NEURL4: variants seen among roughly 807,000 people sequenced by gnomAD.
The protein encoded by NEURL4 is neuralized-like protein 4.
NEURL4 carries 45 observed loss-of-function variants against 148.0 expected under a neutral mutation model. The observed-to-expected ratio is 0.30, with a 90% CI of 0.24 to 0.39. NEURL4 has a LOEUF of 0.39. NEURL4 is among the 10% of genes least tolerant of loss of function. The pLI is 1.00. For synonymous variants in NEURL4, 854 were observed against 869.0 expected (o/e 0.98, Z 0.30); for missense variants, 1,776 against 2,144.0 (o/e 0.83, Z 3.39).
Position 7,329,252 on chromosome 17 carries a change from C to T in NEURL4, c.61G>A (p.Gly21Arg). 1.3e-6 allele frequency: 2 copies of T among 1,486,318 alleles called. No homozygotes were observed. Among genetic ancestry groups the T allele is most frequent in the Non-Finnish European group, 1.8e-6 (2 of 1,124,644 alleles). 92.1% of individuals were successfully genotyped at this position (1,486,318 alleles called of 1,614,324 possible). Residue 21 changes from glycine to arginine, a missense_variant, in exon 1 of 29, where the codon GGG becomes AGG. Coordinates refer to ENST00000399464, the MANE Select transcript of NEURL4 (RefSeq NM_032442.3). ...CCGCTCCCGCTGGGGCCCCCACCCC[C>T]GCCCGGCCCCGGTCCAGGGCCTCCC... ...SGGGPGPGPG[G>R]GGGPSGSGSG...
chr17:7,320,625 A>G, intron 21 of NEURL4, 134 bp downstream of exon 21: 1 of 740,860 alleles, frequency 1.3e-6, no homozygotes, highest in Non-Finnish European at 2.2e-6. Flanking sequence ...ATTACAGGCT[A>G]TGAATAAAAG....
At chr17:7,319,374 CTTTTTTT>C (rs374281551) in intron 21 of NEURL4, among the ~76,000 whole-genome samples, 166 bp from the exon 22 acceptor site, 35 of 113,932 alleles carry the variant, frequency 3.1e-4, no homozygotes, top group Non-Finnish European at 3.5e-4. Flanking sequence ...TTCTTTCCCT[CTTTTTTT>C]TTTTTTTTTT....
Position 7,329,024 on chromosome 17 carries a change from G to A in NEURL4, c.282+7C>T, listed in dbSNP as rs2073138919. The A allele has an allele frequency of 1.3e-6, 2 of 1,569,954 alleles. No homozygotes were observed. Among genetic ancestry groups the A allele is most frequent in the Non-Finnish European group, 1.7e-6 (2 of 1,155,708 alleles). On this transcript the variant is annotated splice_region_variant and intron_variant, in intron 1 of 28. Coordinates refer to ENST00000399464, the MANE Select transcript of NEURL4 (RefSeq NM_032442.3). Reference sequence around the variant, plus strand: ...CACATCTCTGTTCCGCGGTACCAGCGCTGCACCTTGCGGTCGATGCGGACG... The same window carrying A: ...CACATCTCTGTTCCGCGGTACCAGCACTGCACCTTGCGGTCGATGCGGACG...
At position 7,321,582 on chromosome 17, in the gene NEURL4, C is replaced by T. The variant is rs1285375985; in HGVS notation, c.3077G>A (p.Gly1026Asp). The T allele has an allele frequency of 1.9e-6, 3 of 1,614,030 alleles. No homozygotes were observed. Among genetic ancestry groups the T allele is most frequent in the Non-Finnish European group, 2.5e-6 (3 of 1,180,040 alleles). Reference protein sequence around the residue: ...RDGQLQRMNYGRNLERLGVGS... With the variant: ...RDGQLQRMNYDRNLERLGVGS... ...CACCCCCAGCCTCTCTAGGTTCCGG[C>T]CATAGTTCATCCTCTGGAGCTGCCC... Residue 1026 changes from glycine to aspartate, a missense_variant, in exon 18 of 29, where the codon GGC (glycine) becomes GAC (aspartate). Gly to Asp is a moderately conservative substitution (Grantham distance 94, BLOSUM62 -1). Transcript: ENST00000399464. The surrounding 1 kb of genome is among the most constrained non-coding windows in gnomAD (Gnocchi z 6.3).
At position 7,325,117 on chromosome 17, in the gene NEURL4, C is replaced by A. The variant is rs537390794; in HGVS notation, c.1631+92G>T. 3.0e-5 allele frequency: 46 copies of A among 1,515,518 alleles called. No homozygotes were observed. In the South Asian group the frequency reaches 5.3e-4, roughly 17 times the overall value. 93.9% of individuals were successfully genotyped at this position (1,515,518 alleles called of 1,614,324 possible). On this transcript the variant is annotated intron_variant, in intron 8 of 28. Transcript: ENST00000399464. ...CTCAACCTCCAGGAAGCTGCCCCCG[C>A]CAGGCTCCCTCTGCCTTCCACTTCC...
At chr17:7,323,232 G>A (rs1158367355) in intron 14 of NEURL4, 109 bp from the exon 15 acceptor site, 5 of 1,241,538 alleles carry the variant, frequency 4.0e-6, no homozygotes, top group Non-Finnish European at 5.7e-6. Flanking sequence ...CTGGTGTCTT[G>A]ATCTGGGTGT....
intron 14 of NEURL4, 87 bp downstream of exon 14, chr17:7,323,398 A>G: frequency 7.2e-7 from 1 of 1,394,140 alleles, no homozygotes; most frequent in South Asian, 1.2e-5. Flanking sequence ...GTCACTACCC[A>G]CAGCCACCAT....
Position 7,318,719 on chromosome 17 carries a change from C to A in NEURL4, c.3685-45G>T. On this transcript the variant is annotated intron_variant, in intron 22 of 28. Coordinates refer to ENST00000399464, the MANE Select transcript of NEURL4 (RefSeq NM_032442.3). The surrounding 1 kb of genome is among the most constrained non-coding windows in gnomAD (Gnocchi z 4.3). ...GTCTTCCAGAGGTCAGACTCCACCGCGGCAGCTGTCCCGCCCTTTGCTCTG... is the reference window on the plus strand; with the variant it reads ...GTCTTCCAGAGGTCAGACTCCACCGAGGCAGCTGTCCCGCCCTTTGCTCTG... The A allele has an allele frequency of 6.4e-7, 1 of 1,554,402 alleles. No homozygotes were observed. Among genetic ancestry groups the A allele is most frequent in the Non-Finnish European group, 8.7e-7 (1 of 1,146,296 alleles).
chr17:7,325,250 CT>C lies in NEURL4; in HGVS notation c.1589del (p.Lys530ArgfsTer12). 6.3e-7 allele frequency: 1 copy of C among 1,598,620 alleles called. No homozygotes were observed. The highest frequency in any genetic ancestry group is 8.5e-7 in the Non-Finnish European group (1 of 1,174,542). ...TGCGTCCCTCGTGGGTGATGGCTGC[CT>C]TCTGCCCACAGTTGGGGTGGAAGAG... ...RLLFHPNCGQ[K>X]AAITHEGRTA... On this transcript the variant is annotated frameshift_variant, in exon 8 of 29. Transcript: ENST00000399464. LOFTEE classifies it high-confidence loss of function.
intron 21 of NEURL4, among the ~76,000 whole-genome samples, 196 bp downstream of exon 21, chr17:7,320,563 T>TCC (rs1427083002): frequency 1.3e-5 from 2 of 152,236 alleles, no homozygotes; most frequent in African/African-American, 2.4e-5. Context: ...CCCTACTGCT[T>TCC]CCCTCACCAA....
Position 7,329,258 on chromosome 17 carries a change from G to A in NEURL4, c.55C>T (p.Pro19Ser). ...GGSGGGPGPG[P>S]GGGGGPSGSG... Reference sequence around the variant, plus strand: ...CCGCTGGGGCCCCCACCCCCGCCCGGCCCCGGTCCAGGGCCTCCCCCAGAG... The same window carrying A: ...CCGCTGGGGCCCCCACCCCCGCCCGACCCCGGTCCAGGGCCTCCCCCAGAG... Residue 19 changes from proline to serine, a missense_variant, in exon 1 of 29, where the codon CCG becomes TCG. By Grantham distance (74) the Pro-to-Ser change is moderately conservative. Coordinates refer to ENST00000399464, the MANE Select transcript of NEURL4 (RefSeq NM_032442.3). 1.0e-6 allele frequency: 1 copy of A among 986,054 alleles called. No individual in the cohort carries two copies. The highest frequency in any genetic ancestry group is 1.7e-5 in the African/African-American group (1 of 57,462). 61.1% of individuals were successfully genotyped at this position (986,054 alleles called of 1,614,324 possible).
At position 7,329,015 on chromosome 17, in the gene NEURL4, G is replaced by A; in HGVS notation, c.282+16C>T. ...ACCACCCTCCACATCTCTGTTCCGC[G>A]GTACCAGCGCTGCACCTTGCGGTCG... On this transcript the variant is annotated intron_variant, in intron 1 of 28. Coordinates refer to ENST00000399464, the MANE Select transcript of NEURL4 (RefSeq NM_032442.3). 1 of 1,540,214 alleles carries A rather than the reference G, an allele frequency of 6.5e-7. No individual in the cohort carries two copies. Among genetic ancestry groups the A allele is most frequent in the Admixed American group, 1.9e-5 (1 of 53,622 alleles).
rs913249375 is a variant in NEURL4 at position 7,316,344 on chromosome 17, A to G, written c.4485-17T>C. Reference sequence around the variant, plus strand: ...TCCCGGAATCTGTCAGACAAGAAAAAATAAGGGAGTGAAGCCTCTCGCCCC... The same window carrying G: ...TCCCGGAATCTGTCAGACAAGAAAAGATAAGGGAGTGAAGCCTCTCGCCCC... On this transcript the variant is annotated splice_polypyrimidine_tract_variant and intron_variant, in intron 28 of 28. Coordinates refer to ENST00000399464, the MANE Select transcript of NEURL4 (RefSeq NM_032442.3). 1 of 1,607,126 alleles carries G rather than the reference A, an allele frequency of 6.2e-7. No individual in the cohort carries two copies. Among genetic ancestry groups the G allele is most frequent in the Non-Finnish European group, 8.5e-7 (1 of 1,175,850 alleles).
Position 7,324,400 on chromosome 17 carries a change from G to T in NEURL4, c.1894C>A (p.Leu632Ile). 1.2e-6 allele frequency: 2 copies of T among 1,614,174 alleles called. No individual in the cohort carries two copies. The highest frequency in any genetic ancestry group is 3.3e-5 in the Admixed American group (2 of 60,030). Residue 632 changes from leucine to isoleucine, a missense_variant, in exon 10 of 29, where the codon CTC (leucine) becomes ATC (isoleucine). Coordinates refer to ENST00000399464, the MANE Select transcript of NEURL4 (RefSeq NM_032442.3). The surrounding 1 kb of genome is among the most constrained non-coding windows in gnomAD (Gnocchi z 5.9). Reference protein sequence around the residue: ...LDEYGHNLDRLKAGDTVGVVR... With the variant: ...LDEYGHNLDRIKAGDTVGVVR... ...CGGCGCACCCACTTTCCCACCTTGA[G>T]GCGGTCCAGATTGTGCCCGTATTCA...
rs1597633662 is a variant in NEURL4, at chr17:7,321,500, A to G, written c.3100-41T>C. ...GACAAGGACGGACGATGTTCAGCCCACCTCTCCCTGCCACCTCCACTCCCA... is the reference window on the plus strand; with the variant it reads ...GACAAGGACGGACGATGTTCAGCCCGCCTCTCCCTGCCACCTCCACTCCCA... On this transcript the variant is annotated intron_variant, in intron 18 of 28. Transcript: ENST00000399464. This position sits in a 1 kb window ranked among gnomAD's most constrained non-coding sequence, Gnocchi z 6.3. The G allele has an allele frequency of 6.2e-7, 1 of 1,611,472 alleles. No individual in the cohort carries two copies.
intron 25 of NEURL4, 32 bp from the exon 26 acceptor site, chr17:7,317,964 G>A (rs1216623110): frequency 1.9e-6 from 3 of 1,613,718 alleles, no homozygotes; most frequent in African/African-American, 2.7e-5. Flanking sequence ...GCTTGGTGCT[G>A]TGGCTCCCAC....
rs761035805 is a variant in NEURL4 at position 7,326,422 on chromosome 17, G to C, written c.1204+15C>G. On this transcript the variant is annotated intron_variant, in intron 5 of 28. Transcript: ENST00000399464. This position sits in a 1 kb window ranked among gnomAD's most constrained non-coding sequence, Gnocchi z 6.0. ...ACACCAGGCCTGCACCCCCGCCCCT[G>C]CCCGGGGCTGGTACCTGACTGGAGG... The C allele has an allele frequency of 1.4e-4, 223 of 1,613,752 alleles. No individual in the cohort carries two copies. Among genetic ancestry groups the C allele is most frequent in the Non-Finnish European group, 1.7e-4 (204 of 1,179,782 alleles).
At position 7,329,272 on chromosome 17, in the gene NEURL4, C is replaced by A; in HGVS notation, c.41G>T (p.Gly14Val). 1.1e-6 allele frequency: 1 copy of A among 885,168 alleles called. No homozygotes were observed. The highest frequency in any genetic ancestry group is 1.6e-6 in the Non-Finnish European group (1 of 632,380). The allele number at this position is 885,168 out of a possible 1,614,324, so 54.8% of individuals were successfully genotyped here. ...ACCCCCGCCCGGCCCCGGTCCAGGG[C>A]CTCCCCCAGAGCCCCCACTCCCACC... is the stretch of plus-strand genomic sequence containing the variant. ...GSGGSGGSGG[G>V]PGPGPGGGGG... The change falls in exon 1 of 29, where the codon GGC becomes GTC. Residue 14 changes from glycine to valine, a missense_variant. Coordinates refer to ENST00000399464, the MANE Select transcript of NEURL4 (RefSeq NM_032442.3).
chr17:7,325,171 T>G, intron 8 of NEURL4, 38 bp downstream of exon 8: 5 of 363,046 alleles, frequency 1.4e-5, no homozygotes, highest in South Asian at 2.2e-5. Flanking sequence ...CCCATTAGAA[T>G]CCCTTCTTCA....
Sources: gnomAD v4.1 joint callset for allele counts (sites outside exome capture counted in the v4.1 genomes callset) on GRCh38, gnomAD v4.1.1 for gene constraint, Gnocchi (gnomAD v3.1) non-coding constraint, MANE v1.5 for transcripts, NCBI Gene and HGNC (gene_info 2026-07-23, HGNC 2026-07-21) for gene names.